UGT1A10: variants seen among roughly 807,000 people sequenced by gnomAD.
UGT1A10 encodes UDP glucuronosyltransferase family 1 member A10.
In UGT1A10, 49 loss-of-function variants were observed where a neutral mutation model predicts 45.8. The ratio of observed to expected loss-of-function variants is 1.07; its 90% CI spans 0.85 to 1.36. UGT1A10 has a LOEUF of 1.36. Ranked by LOEUF, UGT1A10 falls within the 40% of genes most tolerant of loss-of-function variation. UGT1A10 has a pLI of 0.00. For synonymous variants in UGT1A10, 284 were observed against 249.7 expected (o/e 1.14, Z -1.29); for missense variants, 745 against 668.6 (o/e 1.11, Z -1.26).
chr2:233,739,909 T>C (rs572345956), intron 1 of UGT1A10, among the ~76,000 whole-genome samples: 1 of 151,874 alleles, frequency 6.6e-6, no homozygotes, highest in Non-Finnish European at 1.5e-5. Context: ...TCTCATATTG[T>C]AATTTCCATA....
Position 233,769,695 on chromosome 2 carries a change from A to G in UGT1A10, c.1295+1256A>G, listed in dbSNP as rs1699919505. ...AATGTGTGTGTGGTGGCACTGGATA[A>G]AAGATCAATGTTGGCTAGGCACCAT... On this transcript the variant is annotated intron_variant, in intron 4 of 4. Transcript: ENST00000344644. The surrounding 1 kb of genome is among the most constrained non-coding windows in gnomAD (Gnocchi z 4.4). The G allele has an allele frequency of 6.5e-7, 1 of 1,540,004 alleles. No individual in the cohort carries two copies. Among genetic ancestry groups the G allele is most frequent in the South Asian group, 1.2e-5 (1 of 81,286 alleles).
rs573018562 is a variant in UGT1A10 at position 233,765,032 on chromosome 2, G to A, written c.856-2002G>A. On this transcript the variant is annotated intron_variant, in intron 1 of 4. Transcript: ENST00000344644. Reference sequence around the variant, plus strand: ...AATCAGGCTTGGCAGGAGTCCTGCTGTGCAAATTGCGTTTGCTGAGCCCTG... The same window carrying A: ...AATCAGGCTTGGCAGGAGTCCTGCTATGCAAATTGCGTTTGCTGAGCCCTG... 2.6e-5 allele frequency among the ~76,000 whole-genome samples: 4 copies of A among 152,152 alleles called. No homozygotes were observed. In the East Asian group the frequency reaches 7.7e-4, roughly 29 times the overall value.
intron 1 of UGT1A10, chr2:233,682,009 G>A (rs779022802): frequency 2.5e-6 from 4 of 1,614,122 alleles, no homozygotes; most frequent in Non-Finnish European, 3.4e-6. Context: ...GCTTTGCCAA[G>A]GCAGGGAAGC....
At chr2:233,753,865 C>G (rs560460253) in intron 1 of UGT1A10, among the ~76,000 whole-genome samples, 1 of 152,212 alleles carries the variant, frequency 6.6e-6, no homozygotes. Context: ...CACATAACCC[C>G]AAGGTCTGTC....
At chr2:233,729,653 T>C (rs781239546) in intron 1 of UGT1A10, 1 of 1,613,906 alleles carries the variant, frequency 6.2e-7, no homozygotes, top group East Asian at 2.2e-5. Flanking sequence ...TTGAGGAACA[T>C]TCCATGTGAT....
chr2:233,743,044 G>A lies in UGT1A10; in HGVS notation c.856-23990G>A, dbSNP rs1369920838. On this transcript the variant is annotated intron_variant, in intron 1 of 4. Coordinates refer to ENST00000344644, the MANE Select transcript of UGT1A10 (RefSeq NM_019075.4). ...AAAGACAAACAGAGGTCCTATCCGT[G>A]TAGTCCCAACGATAAGAACAGGTGT... The A allele has an allele frequency of 1.9e-5, 6 of 317,270 alleles. 1 individual carries two copies. The highest frequency in any genetic ancestry group is 4.4e-5 in the African/African-American group (2 of 45,752). The allele number at this position is 317,270 out of a possible 1,614,324, so 19.7% of individuals were successfully genotyped here. A position where few individuals can be genotyped will look rare whatever the true frequency, so the allele number is the denominator to read the frequency against.
chr2:233,747,214 A>T, intron 1 of UGT1A10: 1 of 1,605,452 alleles, frequency 6.2e-7, no homozygotes, highest in Non-Finnish European at 8.5e-7. Flanking sequence ...TTCTGCTGAG[A>T]TGGCCACAGG....
In UGT1A10 at chr2:233,755,313, G is replaced by A. The variant is rs565914238; in HGVS notation, c.856-11721G>A. 9.1e-5 allele frequency: 50 copies of A among 549,068 alleles called. 1 individual carries two copies. The highest frequency in any genetic ancestry group is 7.5e-4 in the South Asian group (41 of 54,588). The allele number at this position is 549,068 out of a possible 1,614,324, so 34.0% of individuals were successfully genotyped here. On this transcript the variant is annotated intron_variant, in intron 1 of 4. Transcript: ENST00000344644. Reference sequence around the variant, plus strand: ...CTGCGGGGCACTGGCACAGCGAGCGGCAAGGCTGCCAGCACCCGCGCACAG... The same window carrying A: ...CTGCGGGGCACTGGCACAGCGAGCGACAAGGCTGCCAGCACCCGCGCACAG...
intron 1 of UGT1A10, among the ~76,000 whole-genome samples, chr2:233,715,001 C>G (rs1309641293): frequency 6.6e-6 from 1 of 152,178 alleles, no homozygotes; most frequent in Admixed American, 6.5e-5. Context: ...CTCAGCCTCC[C>G]AAGTAGCTGG....
At chr2:233,724,451 C>T (rs1350834688) in intron 1 of UGT1A10, among the ~76,000 whole-genome samples, 1 of 120,264 alleles carries the variant, frequency 8.3e-6, no homozygotes. Flanking sequence ...GACAGGGCAG[C>T]TGCCGGGCGG....
chr2:233,656,204 C>T (rs901165353), intron 1 of UGT1A10, among the ~76,000 whole-genome samples: 3 of 152,156 alleles, frequency 2.0e-5, no homozygotes, highest in Non-Finnish European at 2.9e-5. Context: ...CCGTGTTCAC[C>T]CTGGGGTGGA....
intron 1 of UGT1A10, among the ~76,000 whole-genome samples, chr2:233,728,414 C>T (rs186918599): frequency 6.6e-6 from 1 of 152,192 alleles, no homozygotes; most frequent in African/African-American, 2.4e-5. Context: ...CTTTAGATAG[C>T]AGCACCTCTT....
intron 1 of UGT1A10, among the ~76,000 whole-genome samples, chr2:233,678,168 A>G (rs7587916): frequency 0.65 from 98,049 of 152,002 alleles, 32,118 homozygotes; most frequent in African/African-American, 0.73. Flanking sequence ...GACTCCTAAA[A>G]GGGAGAGGAA....
At chr2:233,730,131 C>T (rs2077990612) in intron 1 of UGT1A10, 1 of 1,535,524 alleles carries the variant, frequency 6.5e-7, no homozygotes, top group Middle Eastern at 2.3e-4. Context: ...TAATAGCCTT[C>T]AGTGAGATAA....
At chr2:233,748,984 C>T (rs1315447738) in intron 1 of UGT1A10, among the ~76,000 whole-genome samples, 18 of 151,726 alleles carry the variant, frequency 1.2e-4, no homozygotes, top group Non-Finnish European at 2.1e-4. Context: ...TACTTCTTTA[C>T]CAACAATTTC....
chr2:233,736,616 C>T (rs1448370829), intron 1 of UGT1A10, among the ~76,000 whole-genome samples: 1 of 152,208 alleles, frequency 6.6e-6, no homozygotes, highest in Non-Finnish European at 1.5e-5. Flanking sequence ...TTAGAATTTT[C>T]AGCTTTTCTG....
chr2:233,686,445 C>T (rs1186697369), intron 1 of UGT1A10, among the ~76,000 whole-genome samples: 2 of 152,132 alleles, frequency 1.3e-5, no homozygotes, highest in Admixed American at 6.5e-5. Flanking sequence ...CATGGAGGCT[C>T]TCCCATGAAA....
chr2:233,647,518 G>A (rs572177154), intron 1 of UGT1A10, among the ~76,000 whole-genome samples: 12 of 152,276 alleles, frequency 7.9e-5, no homozygotes, highest in Non-Finnish European at 1.2e-4. Context: ...GAACTTTACC[G>A]TTTTGTTTGT....
At chr2:233,653,682 T>A (rs1388617758) in intron 1 of UGT1A10, among the ~76,000 whole-genome samples, 1 of 152,200 alleles carries the variant, frequency 6.6e-6, no homozygotes, top group Non-Finnish European at 1.5e-5. Context: ...CTGCAACATC[T>A]GCTGCCCGAG....
Sources: gnomAD v4.1 joint callset for allele counts (sites outside exome capture counted in the v4.1 genomes callset) on GRCh38, gnomAD v4.1.1 for gene constraint, Gnocchi (gnomAD v3.1) non-coding constraint, MANE v1.5 for transcripts, NCBI Gene and HGNC (gene_info 2026-07-23, HGNC 2026-07-21) for gene names.